VSTM2L: variants seen among roughly 807,000 people sequenced by gnomAD.
The protein encoded by VSTM2L is V-set and transmembrane domain-containing protein 2-like protein.
Under a neutral mutation model 19.9 loss-of-function variants are expected in VSTM2L, and 9 were observed. That is an observed-to-expected ratio of 0.45 (90% CI 0.27 to 0.79). VSTM2L has a LOEUF of 0.79. Among genes scored for constraint, VSTM2L ranks in the 30% least tolerant of loss-of-function variants. The probability of loss-of-function intolerance (pLI) is 0.15; values close to 1 mark genes in which losing one functional copy is unlikely to be tolerated. For synonymous variants in VSTM2L, 127 were observed against 133.8 expected, an observed-to-expected ratio of 0.95 and a Z score of 0.35; for missense variants, 286 against 295.5, an observed-to-expected ratio of 0.97 and a Z score of 0.24.
At chr20:37,906,752 G>A (rs572471294) in intron 1 of VSTM2L, among the ~76,000 whole-genome samples, 3 of 152,292 alleles carry the variant, frequency 2.0e-5, no homozygotes, top group Admixed American at 6.5e-5. Flanking sequence ...TCTTGTAGCC[G>A]TAACCCAAGC....
rs1345324092 is a variant in VSTM2L at position 37,944,614 on chromosome 20, A to G, written c.*361A>G. The G allele has an allele frequency of 9.6e-7, 1 of 1,041,576 alleles. No homozygotes were observed. Among genetic ancestry groups the G allele is most frequent in the African/African-American group, 1.7e-5 (1 of 59,452 alleles). 64.5% of individuals were successfully genotyped at this position (1,041,576 alleles called of 1,614,324 possible). A position where few individuals can be genotyped will look rare whatever the true frequency, so the allele number is the denominator to read the frequency against. On this transcript the variant is annotated 3_prime_UTR_variant, in exon 4 of 4. Transcript: ENST00000373461. ...CTTGCTTGTCCCCCATCCTGTCCTG[A>G]GCCGGGGCCCCCCAGCCTCGCCTCC... is the stretch of plus-strand genomic sequence containing the variant.
intron 1 of VSTM2L, among the ~76,000 whole-genome samples, chr20:37,930,684 C>T (rs2072903216): frequency 6.6e-6 from 1 of 151,138 alleles, no homozygotes; most frequent in South Asian, 2.1e-4. Flanking sequence ...ACGGATGGGG[C>T]AGGGCTCCTG....
rs182215648 is a variant in VSTM2L, at chr20:37,905,262, G to C, written c.121+1791G>C. On this transcript the variant is annotated intron_variant, in intron 1 of 3. Transcript: ENST00000373461. Reference sequence around the variant, plus strand: ...GGTTTCCATGGAGGGCCTTCCCTGAGTTTGCAGTCCCGAGGGGTATGAGGA... The same window carrying C: ...GGTTTCCATGGAGGGCCTTCCCTGACTTTGCAGTCCCGAGGGGTATGAGGA... Among the ~76,000 whole-genome samples, 12 of 152,246 alleles carry C rather than the reference G, an allele frequency of 7.9e-5. No individual in the cohort carries two copies. In the East Asian group the frequency reaches 1.7e-3, roughly 22 times the overall value.
intron 1 of VSTM2L, among the ~76,000 whole-genome samples, chr20:37,914,151 G>A (rs1460322588): frequency 6.6e-6 from 1 of 151,520 alleles, no homozygotes; most frequent in African/African-American, 2.4e-5. Context: ...GTGTGTGCGT[G>A]TGTGTATGTG....
intron 1 of VSTM2L, among the ~76,000 whole-genome samples, chr20:37,917,524 G>A (rs1490497238): frequency 6.6e-6 from 1 of 152,174 alleles, no homozygotes; most frequent in Non-Finnish European, 1.5e-5. Context: ...CTCTTCACTT[G>A]CATTTGCCCA....
Position 37,944,322 on chromosome 20 carries a change from C to T in VSTM2L, c.*69C>T, listed in dbSNP as rs955146798. The T allele has an allele frequency of 6.4e-5, 86 of 1,348,170 alleles. No homozygotes were observed. The highest frequency in any genetic ancestry group is 7.6e-5 in the Non-Finnish European group (79 of 1,035,384). The allele number at this position is 1,348,170 out of a possible 1,614,324, so 83.5% of individuals were successfully genotyped here. A position where few individuals can be genotyped will look rare whatever the true frequency, so the allele number is the denominator to read the frequency against. ...AGTGCATGAGGAGCCGCCGGACCACCGGGGACCGACTGCCTGCGTCCAGCC... is the reference window on the plus strand; with the variant it reads ...AGTGCATGAGGAGCCGCCGGACCACTGGGGACCGACTGCCTGCGTCCAGCC... On this transcript the variant is annotated 3_prime_UTR_variant, in exon 4 of 4. Transcript: ENST00000373461.
chr20:37,921,376 T>C (rs748407825), intron 1 of VSTM2L, among the ~76,000 whole-genome samples: 1 of 152,138 alleles, frequency 6.6e-6, no homozygotes, highest in African/African-American at 2.4e-5. Flanking sequence ...TGAGGGCTGG[T>C]AGTTTCCCAA....
intron 1 of VSTM2L, among the ~76,000 whole-genome samples, chr20:37,930,494 C>G (rs2072902104): frequency 6.6e-6 from 1 of 152,086 alleles, no homozygotes; most frequent in African/African-American, 2.4e-5. Context: ...CCTGGGTGAC[C>G]TGCACGTTGC....
rs149224265 is a variant in VSTM2L, at chr20:37,944,648, A to G, written c.*395A>G. ...CCCCCAGCCTCGCCTCCCTCCTCCT[A>G]CCATCCCTCACTTGGACCTGGGGGT... On this transcript the variant is annotated 3_prime_UTR_variant, in exon 4 of 4. Transcript: ENST00000373461. The G allele has an allele frequency of 3.8e-3, 3,873 of 1,008,876 alleles. 109 individuals are homozygous for G. In the African/African-American group the frequency reaches 0.062, roughly 16 times the overall value. The allele number at this position is 1,008,876 out of a possible 1,614,324, so 62.5% of individuals were successfully genotyped here.
intron 1 of VSTM2L, among the ~76,000 whole-genome samples, chr20:37,922,888 G>A (rs73908024): frequency 1.9e-3 from 288 of 152,298 alleles, no homozygotes; most frequent in African/African-American, 6.7e-3. Context: ...CGGTGGGTGA[G>A]GGGCTGCAGG....
intron 1 of VSTM2L, among the ~76,000 whole-genome samples, chr20:37,918,192 G>T (rs149982636): frequency 2.0e-5 from 3 of 152,222 alleles, no homozygotes; most frequent in Non-Finnish European, 4.4e-5. Context: ...TAGGGAAGTG[G>T]CAGGGAAGCT....
Position 37,944,256 on chromosome 20 carries a change from T to C in VSTM2L, c.*3T>C. 1.4e-6 allele frequency: 2 copies of C among 1,433,774 alleles called. No homozygotes were observed. Among genetic ancestry groups the C allele is most frequent in the South Asian group, 1.4e-5 (1 of 73,962 alleles). The allele number at this position is 1,433,774 out of a possible 1,614,324, so 88.8% of individuals were successfully genotyped here. ...ACCAGGAGGCCTGCAGCCTCTAGAC[T>C]GATGCCCCTGCCCCCGCCCATCCGC... On this transcript the variant is annotated 3_prime_UTR_variant, in exon 4 of 4. Transcript: ENST00000373461.
At chr20:37,911,058 G>A (rs1381715346) in intron 1 of VSTM2L, among the ~76,000 whole-genome samples, 2 of 151,634 alleles carry the variant, frequency 1.3e-5, no homozygotes, top group African/African-American at 2.4e-5. Context: ...GGATCACAAG[G>A]TCAGGAGTTC....
intron 1 of VSTM2L, among the ~76,000 whole-genome samples, chr20:37,919,183 G>A (rs750703398): frequency 6.6e-6 from 1 of 152,158 alleles, no homozygotes; most frequent in Non-Finnish European, 1.5e-5. Context: ...CCTACTGCAC[G>A]CTGAGGCAGA....
chr20:37,904,581 T>G (rs1454272147), intron 1 of VSTM2L, among the ~76,000 whole-genome samples: 1 of 152,188 alleles, frequency 6.6e-6, no homozygotes, highest in Non-Finnish European at 1.5e-5. Context: ...AAAGGAGACC[T>G]TTCTTCCATG....
Position 37,925,873 on chromosome 20 carries a change from C to T in VSTM2L, c.122-5762C>T, listed in dbSNP as rs78923068. ...CCTACCTGAAGCCCCTCCCTGCTCC[C>T]GGCTCTACTACCTAGCCTACTGGGG... On this transcript the variant is annotated intron_variant, in intron 1 of 3. Transcript: ENST00000373461. Among the ~76,000 whole-genome samples the T allele has an allele frequency of 6.2e-4, 94 of 152,298 alleles. No individual in the cohort carries two copies. In the East Asian group the frequency reaches 0.015, roughly 24 times the overall value.
intron 1 of VSTM2L, among the ~76,000 whole-genome samples, chr20:37,927,045 G>A (rs558635316): frequency 1.1e-3 from 170 of 152,296 alleles, no homozygotes; most frequent in African/African-American, 3.9e-3. Context: ...GGCTCACTGC[G>A]CCTCCTCCTC....
intron 1 of VSTM2L, among the ~76,000 whole-genome samples, chr20:37,914,165 G>T: frequency 6.6e-6 from 1 of 150,978 alleles, no homozygotes; most frequent in Non-Finnish European, 1.5e-5. Flanking sequence ...GTATGTGTGT[G>T]GTGTGTGTGC....
chr20:37,931,633 A>G lies in VSTM2L; in HGVS notation c.122-2A>G, dbSNP rs1406014403. On this transcript the variant is annotated splice_acceptor_variant, in intron 1 of 3. Transcript: ENST00000373461. LOFTEE classifies it high-confidence loss of function. The stretch of plus-strand genomic sequence containing the variant: ...CCATTCTTCCCCCTGTTTCTTGCAC[A>G]GCCCTGTTCACAGAGACACCCCATG... 6.2e-7 allele frequency: 1 copy of G among 1,610,906 alleles called. No homozygotes were observed. The highest frequency in any genetic ancestry group is 1.7e-5 in the Admixed American group (1 of 59,922).
Sources: allele counts gnomAD v4.1 joint callset (sites outside exome capture counted in the v4.1 genomes callset), GRCh38; gene constraint gnomAD v4.1.1; transcripts MANE v1.5; gene names NCBI Gene and HGNC (gene_info 2026-07-23, HGNC 2026-07-21).